Variants in GPLD1 observed in about 807,000 individuals in gnomAD.
GPLD1 encodes the protein glycosylphosphatidylinositol specific phospholipase D1.
In GPLD1, 84 loss-of-function variants were observed where a neutral mutation model predicts 112.6. The observed-to-expected ratio is 0.75, with a 90% CI of 0.63 to 0.89. The LOEUF is 0.89. Among genes scored for constraint, GPLD1 ranks in the 40% least tolerant of loss-of-function variants. The probability of loss-of-function intolerance (pLI) is 0.00; values close to 1 mark genes in which losing one functional copy is unlikely to be tolerated. For missense variants in GPLD1, 1,044 were observed against 1,051.5 expected (o/e 0.99, Z 0.10); for synonymous variants, 386 against 403.8 (o/e 0.96, Z 0.53).
chr6:24,489,351 C>A, intron 1 of GPLD1, 64 bp downstream of exon 1: 1 of 1,230,616 alleles, frequency 8.1e-7, no homozygotes, highest in Non-Finnish European at 1.2e-6. Flanking sequence ...TTTTCAGTCT[C>A]TTCCTTAATG....
intron 24 of GPLD1, among the ~76,000 whole-genome samples, chr6:24,432,114 T>G (rs1456307225): frequency 1.3e-5 from 2 of 151,894 alleles, no homozygotes; most frequent in Non-Finnish European, 2.9e-5. Context: ...TGGAATGGTG[T>G]CACACACCTG....
rs1442303007 is a variant in GPLD1 at position 24,494,900 on chromosome 6, C to T, written n.239+67G>A. 5.0e-6 allele frequency: 6 copies of T among 1,208,718 alleles called. No homozygotes were observed. In the East Asian group the frequency reaches 2.0e-4, roughly 39 times the overall value. 74.9% of individuals were successfully genotyped at this position (1,208,718 alleles called of 1,614,324 possible). A position where few individuals can be genotyped will look rare whatever the true frequency, so the allele number is the denominator to read the frequency against. ...GCTCCCACGCTTTCCCCGCGCGTCC[C>T]CGGCGCCTCCTCGCTCCTCTTGCTT... On this transcript the variant is annotated intron_variant and non_coding_transcript_variant, in intron 1 of 10. Transcript: ENST00000474784.
At chr6:24,473,854 G>C (rs6938773) in intron 5 of GPLD1, among the ~76,000 whole-genome samples, 187 bp from the exon 6 acceptor site, 2 of 152,092 alleles carry the variant, frequency 1.3e-5, no homozygotes, top group Non-Finnish European at 1.5e-5. Context: ...GCAGGGCGCG[G>C]TAGCTCACGC....
rs370786806 is a variant in GPLD1, at chr6:24,433,473, C to A, written c.2359-84G>T. ...ATCAATTTTAATTATACCCTTATAC[C>A]CTCATTTCTACTTTTTTTTTTTTTT... On this transcript the variant is annotated intron_variant, in intron 22 of 24. Transcript: ENST00000230036. The A allele has an allele frequency of 3.1e-4, 270 of 859,262 alleles. No individual in the cohort carries two copies. In the African/African-American group the frequency reaches 4.2e-3, roughly 14 times the overall value. The allele number at this position is 859,262 out of a possible 1,614,324, so 53.2% of individuals were successfully genotyped here. A position where few individuals can be genotyped will look rare whatever the true frequency, so the allele number is the denominator to read the frequency against.
rs745379842 is a variant in GPLD1 at position 24,475,122 on chromosome 6, G to T, written c.440C>A (p.Ala147Asp). 2.6e-6 allele frequency: 4 copies of T among 1,510,876 alleles called. No homozygotes were observed. In the South Asian group the frequency reaches 3.4e-5, roughly 13 times the overall value. The allele number at this position is 1,510,876 out of a possible 1,614,324, so 93.6% of individuals were successfully genotyped here. A position where few individuals can be genotyped will look rare whatever the true frequency, so the allele number is the denominator to read the frequency against. The change falls in exon 5 of 25, where the codon GCT becomes GAT. Residue 147 changes from alanine to aspartate, a missense_variant and splice_region_variant. Coordinates refer to ENST00000230036, the MANE Select transcript of GPLD1 (RefSeq NM_001503.4). ...TTCCCCATAAAGGGATGTACTCACA[G>T]CTCCCATGGTCCTAAGGAATCCTTG... ...LEQGFLRTMG[A>D]IDFHGSYSEA...
intron 7 of GPLD1, 86 bp from the exon 8 acceptor site, chr6:24,467,360 G>A (rs1346205720): frequency 1.7e-5 from 13 of 777,126 alleles, no homozygotes; most frequent in African/African-American, 1.2e-4. Flanking sequence ...CAGTTATTCC[G>A]TGATTATTTT....
At chr6:24,436,529 T>C in intron 22 of GPLD1, 47 bp downstream of exon 22, 1 of 1,521,820 alleles carries the variant, frequency 6.6e-7, no homozygotes, top group South Asian at 1.1e-5. Flanking sequence ...GAATCAGCAA[T>C]TAGTGATCCT....
chr6:24,440,040 G>A (rs772154909), intron 20 of GPLD1, among the ~76,000 whole-genome samples: 13 of 152,160 alleles, frequency 8.5e-5, no homozygotes, highest in Non-Finnish European at 1.5e-4. Flanking sequence ...TCTTCCAGTG[G>A]AGGGAGCAGA....
At position 24,426,576 on chromosome 6, in the gene GPLD1, T is replaced by C. The variant is rs945104202; in HGVS notation, c.*2456A>G. On this transcript the variant is annotated 3_prime_UTR_variant, in exon 25 of 25. Transcript: ENST00000230036. ...AAAATATAAATCGTGAGGTAAATAATGGTCATGTTTAAACAGAGGCCTTAT... is the reference window on the plus strand; with the variant it reads ...AAAATATAAATCGTGAGGTAAATAACGGTCATGTTTAAACAGAGGCCTTAT... Among the ~76,000 whole-genome samples the C allele has an allele frequency of 1.3e-5, 2 of 152,174 alleles. No homozygotes were observed. Among genetic ancestry groups the C allele is most frequent in the Non-Finnish European group, 1.5e-5 (1 of 68,030 alleles).
In GPLD1 at chr6:24,466,570, ATTGTT is replaced by A. The variant is rs3830762; in HGVS notation, c.821+105_821+109del. Reference sequence around the variant, plus strand: ...ATAGGTTAGAAAAGCACTTCATGAGATTGTTTTGTTTTGTTTTTATGTGATCAGTT... The same window carrying A: ...ATAGGTTAGAAAAGCACTTCATGAGATTGTTTTGTTTTTATGTGATCAGTT... On this transcript the variant is annotated intron_variant, in intron 10 of 24. Coordinates refer to ENST00000230036, the MANE Select transcript of GPLD1 (RefSeq NM_001503.4). 1,575 of 790,382 alleles carry A rather than the reference ATTGTT, an allele frequency of 2.0e-3. 13 individuals are homozygous for A. In the African/African-American group the frequency reaches 0.022, roughly 11 times the overall value. The allele number at this position is 790,382 out of a possible 1,614,324, so 49.0% of individuals were successfully genotyped here. A position where few individuals can be genotyped will look rare whatever the true frequency, so the allele number is the denominator to read the frequency against.
intron 7 of GPLD1, among the ~76,000 whole-genome samples, chr6:24,468,478 G>A (rs1252143235): frequency 1.3e-5 from 2 of 152,176 alleles, no homozygotes; most frequent in South Asian, 4.1e-4. Flanking sequence ...AGCTACCTAT[G>A]ACCTGGAAGC....
In GPLD1 at chr6:24,442,115, T is replaced by TG. The variant is rs572822040; in HGVS notation, c.2020+3430_2020+3431insC. Among the ~76,000 whole-genome samples, 4 of 150,534 alleles carry TG rather than the reference T, an allele frequency of 2.7e-5. No individual in the cohort carries two copies. In the South Asian group the frequency reaches 8.3e-4, roughly 31 times the overall value. On this transcript the variant is annotated intron_variant, in intron 20 of 24. Transcript: ENST00000230036. ...TACATAAAAGTTATAATTAAACTTA[T>TG]TTTCTATTATTATTTATCTTTTAAA...
At chr6:24,431,470 A>C (rs1413856165) in intron 24 of GPLD1, among the ~76,000 whole-genome samples, 1 of 151,382 alleles carries the variant, frequency 6.6e-6, no homozygotes, top group African/African-American at 2.4e-5. Flanking sequence ...CTCTGTTTTT[A>C]TTTCTTATAG....
intron 24 of GPLD1, among the ~76,000 whole-genome samples, chr6:24,431,605 G>A (rs1762406765): frequency 6.6e-6 from 1 of 151,108 alleles, no homozygotes; most frequent in South Asian, 2.1e-4. Flanking sequence ...CACCATCTAG[G>A]CTCACGGCAA....
At chr6:24,474,667 C>T (rs1763947756) in intron 5 of GPLD1, among the ~76,000 whole-genome samples, 3 of 152,246 alleles carry the variant, frequency 2.0e-5, no homozygotes, top group African/African-American at 7.2e-5. Context: ...TTGGACCGGG[C>T]GCGGTGGCTT....
At chr6:24,469,395 T>A (rs1044264256) in intron 7 of GPLD1, among the ~76,000 whole-genome samples, 3 of 121,262 alleles carry the variant, frequency 2.5e-5, no homozygotes, top group African/African-American at 9.6e-5. Context: ...CCAACAATGA[T>A]AGACTGGATT....
intron 20 of GPLD1, among the ~76,000 whole-genome samples, chr6:24,442,920 A>G (rs1035786477): frequency 4.6e-5 from 7 of 152,300 alleles, no homozygotes; most frequent in Admixed American, 1.3e-4. Context: ...AAAAAAAATT[A>G]TCAAGAGAGT....
chr6:24,456,861 C>T (rs1188435378), intron 12 of GPLD1, among the ~76,000 whole-genome samples: 4 of 152,162 alleles, frequency 2.6e-5, no homozygotes, highest in Admixed American at 6.5e-5. Context: ...GGCAGAGTTA[C>T]AGCCCAAGAG....
At chr6:24,447,582 ACT>A (rs2127331946) in intron 17 of GPLD1, among the ~76,000 whole-genome samples, 1 of 152,296 alleles carries the variant, frequency 6.6e-6, no homozygotes, top group East Asian at 1.9e-4. Context: ...CGAGAGCACC[ACT>A]GAGATGCCTC....
Sources: gnomAD v4.1 joint callset for allele counts (sites outside exome capture counted in the v4.1 genomes callset) on GRCh38, gnomAD v4.1.1 for gene constraint, MANE v1.5 for transcripts, NCBI Gene and HGNC (gene_info 2026-07-23, HGNC 2026-07-21) for gene names.